Variants in SLC8A3 observed in about 807,000 individuals in gnomAD.
The protein encoded by SLC8A3 is solute carrier family 8 member A3.
Under a neutral mutation model 65.4 loss-of-function variants are expected in SLC8A3, and 37 were observed. The ratio of observed to expected loss-of-function variants is 0.57; its 90% CI spans 0.44 to 0.74. The LOEUF is 0.74. Among genes scored for constraint, SLC8A3 ranks in the 30% least tolerant of loss-of-function variants. The pLI, the probability that SLC8A3 is intolerant of heterozygous loss-of-function variation, is 0.00. For synonymous variants in SLC8A3, 461 were observed against 444.5 expected, an observed-to-expected ratio of 1.04 and a Z score of -0.47; for missense variants, 1,112 against 1,172.1, an observed-to-expected ratio of 0.95 and a Z score of 0.75.
intron 3 of SLC8A3, among the ~76,000 whole-genome samples, chr14:70,059,678 C>T (rs909512412): frequency 1.3e-5 from 2 of 152,176 alleles, no homozygotes; most frequent in African/African-American, 2.4e-5. Context: ...GATGAGGCCA[C>T]TTCTCTAGTG....
At position 70,188,830 on chromosome 14, in the gene SLC8A3, G is replaced by C. The variant is rs544785200; in HGVS notation, c.-514C>G. 341 of 152,134 alleles carry C rather than the reference G, an allele frequency of 2.2e-3. 1 individual carries two copies. Among genetic ancestry groups the C allele is most frequent in the African/African-American group, 7.7e-3 (319 of 41,536 alleles). The allele number at this position is 152,134 out of a possible 1,614,324, so 9.4% of individuals were successfully genotyped here. On this transcript the variant is annotated 5_prime_UTR_variant, in exon 1 of 7. Transcript: ENST00000356921. ...TGGCGGCTCCGAGGGACCTGGGCTC[G>C]GGCTTGCGGTCGCGTCGCCTGGGCT... is the stretch of plus-strand genomic sequence containing the variant.
At chr14:70,064,326 C>G (rs567551506) in intron 2 of SLC8A3, among the ~76,000 whole-genome samples, 1 of 152,308 alleles carries the variant, frequency 6.6e-6, no homozygotes, top group East Asian at 1.9e-4. Flanking sequence ...AAAGGCTCGG[C>G]CACTAAGGTC....
chr14:70,044,462 GTTTA>G lies in SLC8A3; in HGVS notation c.*1481_*1484del, dbSNP rs1208099683. 6.8e-6 allele frequency: 1 copy of G among 147,312 alleles called. No homozygotes were observed. Among genetic ancestry groups the G allele is most frequent in the Non-Finnish European group, 1.5e-5 (1 of 67,574 alleles). The allele number at this position is 147,312 out of a possible 1,614,324, so 9.1% of individuals were successfully genotyped here. A position where few individuals can be genotyped will look rare whatever the true frequency, so the allele number is the denominator to read the frequency against. On this transcript the variant is annotated 3_prime_UTR_variant, in exon 7 of 7. Transcript: ENST00000356921. ...AGTTTCGTGATGACATCTTATGTCT[GTTTA>G]TTTGTGTGTTTGTGTGCGTGTTTTA...
chr14:70,052,300 G>A (rs2139732895), intron 3 of SLC8A3, among the ~76,000 whole-genome samples, 186 bp from the exon 4 acceptor site: 1 of 152,304 alleles, frequency 6.6e-6, no homozygotes, highest in Non-Finnish European at 1.5e-5. Context: ...ATGAGAATGT[G>A]CCTTGCAGAC....
chr14:70,106,570 A>T (rs934790493), intron 2 of SLC8A3, among the ~76,000 whole-genome samples: 3 of 152,094 alleles, frequency 2.0e-5, no homozygotes, highest in Non-Finnish European at 4.4e-5. Context: ...GCTTGCAGTG[A>T]GAATGGTAAT....
intron 1 of SLC8A3, among the ~76,000 whole-genome samples, chr14:70,169,227 C>T (rs961636289): frequency 2.0e-5 from 3 of 152,190 alleles, no homozygotes; most frequent in Non-Finnish European, 4.4e-5. Flanking sequence ...AGCTATAATT[C>T]TGAGATAGCT....
chr14:70,168,455 C>G lies in SLC8A3; in HGVS notation c.-33G>C, dbSNP rs1897313304. 1 of 1,555,414 alleles carries G rather than the reference C, an allele frequency of 6.4e-7. No homozygotes were observed. The highest frequency in any genetic ancestry group is 1.2e-5 in the South Asian group (1 of 84,616). The stretch of plus-strand genomic sequence containing the variant: ...ACTTAGCCACTGGCTTCTATTGCAG[C>G]ACCAGTTGTCCTCCTGATAGGCCAG... On this transcript the variant is annotated 5_prime_UTR_variant, in exon 2 of 7. Coordinates refer to ENST00000356921, the MANE Select transcript of SLC8A3 (RefSeq NM_182932.3).
At chr14:70,150,139 C>T (rs1566813171) in intron 2 of SLC8A3, among the ~76,000 whole-genome samples, 1 of 152,194 alleles carries the variant, frequency 6.6e-6, no homozygotes, top group Non-Finnish European at 1.5e-5. Flanking sequence ...ATACTAATTA[C>T]TTAACTAAAA....
chr14:70,162,629 A>G (rs778312530), intron 2 of SLC8A3, among the ~76,000 whole-genome samples: 55 of 152,208 alleles, frequency 3.6e-4, no homozygotes, highest in Non-Finnish European at 7.3e-4. Context: ...AGCCTGGGAT[A>G]TAGGAGCCAG....
At chr14:70,140,640 G>T (rs1264906294) in intron 2 of SLC8A3, among the ~76,000 whole-genome samples, 1 of 152,190 alleles carries the variant, frequency 6.6e-6, no homozygotes, top group Non-Finnish European at 1.5e-5. Context: ...TACCAACAAG[G>T]TATTGTGATG....
At chr14:70,107,520 A>T (rs572879226) in intron 2 of SLC8A3, among the ~76,000 whole-genome samples, 1 of 152,142 alleles carries the variant, frequency 6.6e-6, no homozygotes, top group Non-Finnish European at 1.5e-5. Context: ...AAGCCTTGGG[A>T]CATTTCAAAC....
intron 1 of SLC8A3, among the ~76,000 whole-genome samples, chr14:70,178,272 T>G (rs1422579864): frequency 6.6e-6 from 1 of 152,222 alleles, no homozygotes; most frequent in Admixed American, 6.5e-5. Context: ...AGAGTGTTCC[T>G]CAGTCTAGTC....
chr14:70,177,143 T>C (rs1259348887), intron 1 of SLC8A3, among the ~76,000 whole-genome samples: 1 of 152,268 alleles, frequency 6.6e-6, no homozygotes, highest in Non-Finnish European at 1.5e-5. Flanking sequence ...TATTTCTGTA[T>C]GCCCAGTGCC....
At chr14:70,180,173 A>T (rs1328974389) in intron 1 of SLC8A3, among the ~76,000 whole-genome samples, 1 of 152,252 alleles carries the variant, frequency 6.6e-6, no homozygotes, top group Non-Finnish European at 1.5e-5. Context: ...TTGCAAAGCC[A>T]TCAAGGGATG....
chr14:70,174,662 G>GTTTGTTTTTTTTTTTTTT (rs1566833477), intron 1 of SLC8A3, among the ~76,000 whole-genome samples: 1 of 66,516 alleles, frequency 1.5e-5, no homozygotes. Flanking sequence ...TTTTTTTTTT[G>GTTTGTTTTTTTTTTTTTT]TTTTTTTTTT....
intron 2 of SLC8A3, among the ~76,000 whole-genome samples, chr14:70,155,956 C>A (rs1012915039): frequency 1.3e-5 from 2 of 152,218 alleles, no homozygotes; most frequent in Non-Finnish European, 2.9e-5. Context: ...TTTCTCTCTG[C>A]TTTGGCTATA....
intron 5 of SLC8A3, 76 bp from the exon 6 acceptor site, chr14:70,049,118 C>T (rs762164781): frequency 5.6e-5 from 79 of 1,406,670 alleles, no homozygotes; most frequent in Non-Finnish European, 7.5e-5. Context: ...AAGCCCAACC[C>T]GCACCACAGG....
chr14:70,125,791 A>C (rs1017649326), intron 2 of SLC8A3, among the ~76,000 whole-genome samples: 1 of 152,144 alleles, frequency 6.6e-6, no homozygotes, highest in Admixed American at 6.5e-5. Flanking sequence ...AAACCCACTC[A>C]TGTCTGGGCC....
In SLC8A3 at chr14:70,168,394, G is replaced by A; in HGVS notation, c.29C>T (p.Thr10Ile). 2 of 1,614,066 alleles carry A rather than the reference G, an allele frequency of 1.2e-6. No individual in the cohort carries two copies. Among genetic ancestry groups the A allele is most frequent in the Non-Finnish European group, 1.7e-6 (2 of 1,179,994 alleles). ...CAGCCCAAAATGGAGGAAGGCAGAG[G>A]TGAGAGGCTGCAACCTTAACCACGC... The part of the protein sequence containing the change: MAWLRLQPL[T>I]SAFLHFGLVT... Residue 10 changes from threonine to isoleucine, a missense_variant, in exon 2 of 7, where the codon ACC becomes ATC. Physicochemically the swap from Thr to Ile is moderately conservative, Grantham distance 89. Coordinates refer to ENST00000356921, the MANE Select transcript of SLC8A3 (RefSeq NM_182932.3).
Sources: allele counts gnomAD v4.1 joint callset (sites outside exome capture counted in the v4.1 genomes callset), GRCh38; gene constraint gnomAD v4.1.1; transcripts MANE v1.5; gene names NCBI Gene and HGNC (gene_info 2026-07-23, HGNC 2026-07-21).